Variants in CFAP52 observed in about 807,000 individuals in gnomAD.
The protein encoded by CFAP52 is cilia and flagella associated protein 52, also known as cilia- and flagella-associated protein 52.
A neutral mutation model predicts 70.5 loss-of-function variants in CFAP52; 57 were observed. That is an observed-to-expected ratio of 0.81 (90% CI 0.65 to 1.01). CFAP52 has a LOEUF of 1.01. Among genes scored for constraint, CFAP52 ranks in the 50% least tolerant of loss-of-function variants. The pLI, the probability that CFAP52 is intolerant of heterozygous loss-of-function variation, is 0.00. For missense variants in CFAP52, 785 were observed against 788.5 expected (o/e 1.00, Z 0.05); for synonymous variants, 267 against 292.5 (o/e 0.91, Z 0.89).
At chr17:9,623,770 C>T (rs923752893) in intron 8 of CFAP52, among the ~76,000 whole-genome samples, 1 of 152,132 alleles carries the variant, frequency 6.6e-6, no homozygotes, top group Non-Finnish European at 1.5e-5. Context: ...GATCATAGCA[C>T]ACTGCAGCCT....
At chr17:9,633,305 A>G (rs1190064141) in intron 10 of CFAP52, among the ~76,000 whole-genome samples, 5 of 151,940 alleles carry the variant, frequency 3.3e-5, no homozygotes, top group South Asian at 2.1e-4. Flanking sequence ...TCTGGGTTCA[A>G]GCGATTCTCC....
chr17:9,593,419 A>G (rs924240425), intron 3 of CFAP52, among the ~76,000 whole-genome samples: 1 of 152,194 alleles, frequency 6.6e-6, no homozygotes, highest in South Asian at 2.1e-4. Context: ...GTGGCCTAGC[A>G]GTCTCTGTTT....
chr17:9,614,157 C>CTTTTTTTTTTTTT (rs11347755), intron 8 of CFAP52, among the ~76,000 whole-genome samples: 2 of 93,982 alleles, frequency 2.1e-5, no homozygotes, highest in African/African-American at 3.8e-5. Context: ...TTCTTTCTTT[C>CTTTTTTTTTTTTT]TTTTTTTTTT....
chr17:9,578,950 C>G lies in CFAP52; in HGVS notation c.70+2185C>G, dbSNP rs543207710. 8.5e-5 allele frequency among the ~76,000 whole-genome samples: 13 copies of G among 152,182 alleles called. 1 individual carries two copies. The Middle Eastern group carries it at 0.01, about 119-fold the overall frequency. On this transcript the variant is annotated intron_variant, in intron 1 of 13. Coordinates refer to ENST00000352665, the MANE Select transcript of CFAP52 (RefSeq NM_145054.5). ...TCTCTATTTTAACATTAATGCTGAT[C>G]AGTTGTGTCTAAACCACAAAAGAGA...
In CFAP52 at chr17:9,628,729, A is replaced by G; in HGVS notation, c.1083A>G (p.Thr361=). ...CAKKDIRVWH[T]SSNRELLRIT... is the part of the protein sequence containing the mutation. Reference sequence around the variant, plus strand: ...AGAAGGATATCAGGGTGTGGCACACATCATCCAACAGGGAGCTGCTGCGGA... The same window carrying G: ...AGAAGGATATCAGGGTGTGGCACACGTCATCCAACAGGGAGCTGCTGCGGA... Residue 361 remains threonine, a synonymous_variant, in exon 9 of 14, where the codon ACA becomes ACG. Transcript: ENST00000352665. 1 of 1,614,220 alleles carries G rather than the reference A, an allele frequency of 6.2e-7. No individual in the cohort carries two copies. Among genetic ancestry groups the G allele is most frequent in the Non-Finnish European group, 8.5e-7 (1 of 1,180,042 alleles).
At chr17:9,587,642 T>C (rs2151929007) in intron 3 of CFAP52, among the ~76,000 whole-genome samples, 1 of 152,338 alleles carries the variant, frequency 6.6e-6, no homozygotes, top group Non-Finnish European at 1.5e-5. Flanking sequence ...CCTTTTTTCA[T>C]ATGCTTGTTG....
chr17:9,634,721 G>A (rs60017435), intron 10 of CFAP52, among the ~76,000 whole-genome samples: 2,416 of 151,814 alleles, frequency 0.016, 78 homozygotes, highest in African/African-American at 0.055. Flanking sequence ...CCGAGATCGC[G>A]CCATTGCACT....
chr17:9,597,342 A>G (rs113139431), intron 4 of CFAP52, among the ~76,000 whole-genome samples: 6 of 152,186 alleles, frequency 3.9e-5, no homozygotes, highest in African/African-American at 1.4e-4. Flanking sequence ...TATATTGTAT[A>G]CTTGAAAATT....
intron 7 of CFAP52, among the ~76,000 whole-genome samples, chr17:9,610,566 G>A (rs894878943): frequency 4.0e-5 from 6 of 151,074 alleles, no homozygotes; most frequent in African/African-American, 4.9e-5. Context: ...ATGGAGTCTC[G>A]CTCTGTTGCC....
Position 9,641,712 on chromosome 17 carries a change from C to T in CFAP52, c.1576-12C>T. ...GCTGAGTCCTGCTTAATGCTTCTTT[C>T]CTGAATTCCAGATTGCTTACTGGGA... On this transcript the variant is annotated splice_polypyrimidine_tract_variant and intron_variant, in intron 12 of 13. Coordinates refer to ENST00000352665, the MANE Select transcript of CFAP52 (RefSeq NM_145054.5). 6.2e-7 allele frequency: 1 copy of T among 1,601,448 alleles called. No individual in the cohort carries two copies. The highest frequency in any genetic ancestry group is 2.2e-5 in the East Asian group (1 of 44,748).
rs1030022764 is a variant in CFAP52, at chr17:9,616,005, C to T, written c.1025+3526C>T. Among the ~76,000 whole-genome samples, 318 of 151,412 alleles carry T rather than the reference C, an allele frequency of 2.1e-3. 1 individual carries two copies. The highest frequency in any genetic ancestry group is 6.8e-3 in the Middle Eastern group (2 of 294). Reference sequence around the variant, plus strand: ...TTTTCGGGGGGAGGAGCCAAGATGGCCGAATAGGAACAGCTCCGGTCTACA... The same window carrying T: ...TTTTCGGGGGGAGGAGCCAAGATGGTCGAATAGGAACAGCTCCGGTCTACA... On this transcript the variant is annotated intron_variant, in intron 8 of 13. Coordinates refer to ENST00000352665, the MANE Select transcript of CFAP52 (RefSeq NM_145054.5).
At chr17:9,642,529 C>T (rs772986705) in intron 13 of CFAP52, among the ~76,000 whole-genome samples, 35 of 152,142 alleles carry the variant, frequency 2.3e-4, no homozygotes, top group Non-Finnish European at 3.4e-4. Flanking sequence ...GAGGCTGAGA[C>T]AGGAGAATTG....
In CFAP52 at chr17:9,585,396, C is replaced by T. The variant is rs185191733; in HGVS notation, c.71-377C>T. Among the ~76,000 whole-genome samples the T allele has an allele frequency of 5.3e-3, 802 of 152,188 alleles. 1 individual carries two copies. The highest frequency in any genetic ancestry group is 0.027 in the South Asian group (132 of 4,818). On this transcript the variant is annotated intron_variant, in intron 1 of 13. Coordinates refer to ENST00000352665, the MANE Select transcript of CFAP52 (RefSeq NM_145054.5). The stretch of plus-strand genomic sequence containing the variant: ...TTATTTTTAAAGTGTTGGCCGGGCG[C>T]GGTGGCTCACACCTGTAATCCCAGC...
In CFAP52 at chr17:9,576,721, C is replaced by A; in HGVS notation, c.26C>A (p.Ala9Asp). The change falls in exon 1 of 14, where the codon GCC becomes GAC. Residue 9 changes from alanine to aspartate, a missense_variant. By Grantham distance (126) the Ala-to-Asp change is moderately radical. Coordinates refer to ENST00000352665, the MANE Select transcript of CFAP52 (RefSeq NM_145054.5). Reference protein sequence around the residue: MDNKISPEAQVAELELDAV... With the variant: MDNKISPEDQVAELELDAV... ...ATGGATAACAAAATTTCGCCGGAGG[C>A]CCAAGTGGCGGAGCTGGAACTTGAC... The A allele has an allele frequency of 6.2e-7, 1 of 1,612,426 alleles. No individual in the cohort carries two copies.
At chr17:9,581,529 G>A (rs1230924900) in intron 1 of CFAP52, among the ~76,000 whole-genome samples, 1 of 151,886 alleles carries the variant, frequency 6.6e-6, no homozygotes, top group Non-Finnish European at 1.5e-5. Flanking sequence ...GAGAGAGAGA[G>A]GGGATAGAGA....
intron 12 of CFAP52, chr17:9,638,946 G>A (rs978260190): frequency 3.3e-5 from 17 of 508,758 alleles, no homozygotes; most frequent in Non-Finnish European, 5.3e-5. Context: ...AGTCATGCTT[G>A]CTCATGGTGC....
chr17:9,632,861 C>T (rs748029722), intron 9 of CFAP52, 27 bp from the exon 10 acceptor site: 9 of 1,611,812 alleles, frequency 5.6e-6, no homozygotes, highest in African/African-American at 4.0e-5. Flanking sequence ...CTGATCCTGC[C>T]TGCCTTTTGT....
intron 6 of CFAP52, among the ~76,000 whole-genome samples, chr17:9,600,615 C>T (rs999150829): frequency 2.0e-5 from 3 of 151,846 alleles, no homozygotes; most frequent in Non-Finnish European, 2.9e-5. Flanking sequence ...CCCAGGCTGG[C>T]GTGCAGTGGC....
At chr17:9,638,893 T>A (rs1284840537) in intron 12 of CFAP52, 182 bp downstream of exon 12, 1 of 606,396 alleles carries the variant, frequency 1.6e-6, no homozygotes, top group Non-Finnish European at 2.9e-6. Flanking sequence ...TCCCCACCTG[T>A]TAAGTGGAAA....
Sources: allele counts gnomAD v4.1 joint callset (sites outside exome capture counted in the v4.1 genomes callset), GRCh38; gene constraint gnomAD v4.1.1; transcripts MANE v1.5; gene names NCBI Gene and HGNC (gene_info 2026-07-23, HGNC 2026-07-21).